The following RNF216 variants were observed in gnomAD, a reference collection of about 807,000 sequenced individuals.
RNF216 encodes E3 ubiquitin-protein ligase RNF216.
A neutral mutation model predicts 110.8 loss-of-function variants in RNF216; 72 were observed. The ratio of observed to expected loss-of-function variants is 0.65; its 90% confidence interval spans 0.54 to 0.79. RNF216 has a LOEUF of 0.79. Ranked by LOEUF, RNF216 falls within the 30% of genes least tolerant of loss-of-function variation. RNF216 has a pLI of 0.00. For synonymous variants in RNF216, 495 were observed against 407.5 expected (o/e 1.21, Z -2.59); for missense variants, 1,342 against 1,141.2 (o/e 1.18, Z -2.54).
chr7:5,649,673 A>C (rs981036449), intron 14 of RNF216: 1 of 151,936 alleles, frequency 6.6e-6, no homozygotes, highest in Non-Finnish European at 1.5e-5. Flanking sequence ...GACTGGCACC[A>C]CCATCAAAGA....
intron 3 of RNF216, 98 bp downstream of exon 3, chr7:5,752,748 C>T (rs1210811706): frequency 3.3e-6 from 4 of 1,222,704 alleles, no homozygotes; most frequent in Non-Finnish European, 4.6e-6. Context: ...AGAACGAGTA[C>T]AAGAGGTGCT....
At chr7:5,644,042 GA>G (rs1406274587) in intron 14 of RNF216, among the ~76,000 whole-genome samples, 1 of 152,102 alleles carries the variant, frequency 6.6e-6, no homozygotes, top group Non-Finnish European at 1.5e-5. Context: ...TTTATGGTTG[GA>G]TAATATTCCA....
intron 2 of RNF216, among the ~76,000 whole-genome samples, chr7:5,757,444 C>A (rs1795702567): frequency 6.6e-6 from 1 of 151,728 alleles, no homozygotes; most frequent in Admixed American, 6.6e-5. Flanking sequence ...GCATGATGTA[C>A]CTTTTTTCCT....
At chr7:5,704,741 C>A (rs1275441039) in intron 13 of RNF216, among the ~76,000 whole-genome samples, 1 of 152,224 alleles carries the variant, frequency 6.6e-6, no homozygotes, top group African/African-American at 2.4e-5. Flanking sequence ...AAGGTGGGGA[C>A]TTCTCTCATT....
intron 13 of RNF216, among the ~76,000 whole-genome samples, chr7:5,682,825 T>C (rs1562387008): frequency 6.6e-6 from 1 of 152,210 alleles, no homozygotes; most frequent in Non-Finnish European, 1.5e-5. Flanking sequence ...TCTCTTGGAA[T>C]CAAGAGTCCT....
At position 5,765,351 on chromosome 7, in the gene RNF216, C is replaced by A. The variant is rs188473994; in HGVS notation, c.-69-4213G>T. Reference sequence around the variant, plus strand: ...AGCAGGTGGGAATCTGTAATCCCAGCTACTTGGGAGGCTGAGGTAAGAGAA... The same window carrying A: ...AGCAGGTGGGAATCTGTAATCCCAGATACTTGGGAGGCTGAGGTAAGAGAA... On this transcript the variant is annotated intron_variant, in intron 1 of 16. Coordinates refer to ENST00000389902, the MANE Select transcript of RNF216 (RefSeq NM_207111.4). 4.2e-3 allele frequency among the ~76,000 whole-genome samples: 642 copies of A among 151,904 alleles called. 7 individuals are homozygous for A. Among genetic ancestry groups the A allele is most frequent in the African/African-American group, 0.014 (598 of 41,462 alleles).
intron 1 of RNF216, chr7:5,766,817 A>T: frequency 6.6e-6 from 1 of 152,234 alleles, no homozygotes; most frequent in East Asian, 1.9e-4. Flanking sequence ...ACAACTTTTT[A>T]AAAATGTTTA....
chr7:5,775,770 G>A (rs1268424644), intron 1 of RNF216, among the ~76,000 whole-genome samples: 1 of 152,032 alleles, frequency 6.6e-6, no homozygotes, highest in Non-Finnish European at 1.5e-5. Flanking sequence ...TCGGGAGGCT[G>A]AGGCAGGAGA....
intron 13 of RNF216, among the ~76,000 whole-genome samples, chr7:5,671,470 C>G (rs998316285): frequency 6.6e-6 from 1 of 152,084 alleles, no homozygotes; most frequent in Non-Finnish European, 1.5e-5. Context: ...TTAAATGAGG[C>G]TGATGGGGTG....
intron 9 of RNF216, among the ~76,000 whole-genome samples, chr7:5,718,044 T>C (rs758330939): frequency 4.6e-5 from 7 of 151,942 alleles, no homozygotes; most frequent in Non-Finnish European, 7.4e-5. Flanking sequence ...TTCCATAAAA[T>C]AAGGAAAGGT....
intron 5 of RNF216, among the ~76,000 whole-genome samples, chr7:5,737,465 G>A (rs1311361498): frequency 6.6e-6 from 1 of 151,742 alleles, no homozygotes; most frequent in Non-Finnish European, 1.5e-5. Flanking sequence ...CTCCACTATT[G>A]TCCTGTGACC....
chr7:5,777,733 T>C (rs1796861850), intron 1 of RNF216: 4 of 152,248 alleles, frequency 2.6e-5, no homozygotes, highest in Admixed American at 2.0e-4. Flanking sequence ...TCCATCATTA[T>C]GGATATAAAT....
intron 15 of RNF216, among the ~76,000 whole-genome samples, chr7:5,631,289 G>A (rs905297557): frequency 6.6e-6 from 1 of 152,180 alleles, no homozygotes. Context: ...GTCGGCCTCT[G>A]GTCCCTGGCA....
intron 14 of RNF216, among the ~76,000 whole-genome samples, chr7:5,647,056 T>C (rs2128572251): frequency 6.6e-6 from 1 of 151,802 alleles, no homozygotes; most frequent in East Asian, 1.9e-4. Context: ...GGTACATGCC[T>C]CCAAATGCTT....
intron 2 of RNF216, among the ~76,000 whole-genome samples, chr7:5,756,320 T>C (rs1009417958): frequency 6.6e-6 from 1 of 152,244 alleles, no homozygotes; most frequent in Non-Finnish European, 1.5e-5. Context: ...CAGGCATTTC[T>C]TCCTAGCAGT....
chr7:5,625,216 T>C (rs905693677), intron 15 of RNF216, among the ~76,000 whole-genome samples: 4 of 152,110 alleles, frequency 2.6e-5, no homozygotes, highest in Non-Finnish European at 5.9e-5. Flanking sequence ...TAGCTGACTA[T>C]AGGAGGGCTC....
chr7:5,760,532 AAAC>A, intron 2 of RNF216: 4 of 328,680 alleles, frequency 1.2e-5, no homozygotes, highest in South Asian at 2.3e-5. Flanking sequence ...GAAAAAAAAA[AAAC>A]AAAACAAAAC....
Position 5,696,478 on chromosome 7 carries a change from A to G in RNF216, c.2061+15283T>C, listed in dbSNP as rs990342822. Among the ~76,000 whole-genome samples the G allele has an allele frequency of 1.3e-5, 2 of 152,152 alleles. No individual in the cohort carries two copies. The highest frequency in any genetic ancestry group is 4.8e-5 in the African/African-American group (2 of 41,422). On this transcript the variant is annotated intron_variant, in intron 13 of 16. Transcript: ENST00000389902. The surrounding 1 kb of genome is among the most constrained non-coding windows in gnomAD (Gnocchi z 5.4). The stretch of plus-strand genomic sequence containing the variant: ...TTCACTGGCCGGTGGGAATGCAGCA[A>G]AGCAGCAACTGCCCAATGATCTACT...
chr7:5,727,510 T>A (rs1334290811), intron 7 of RNF216, among the ~76,000 whole-genome samples: 1 of 152,192 alleles, frequency 6.6e-6, no homozygotes, highest in African/African-American at 2.4e-5. Context: ...GAGGATAGCC[T>A]GAGGCCAGGA....
Sources: gnomAD v4.1 joint callset for allele counts (sites outside exome capture counted in the v4.1 genomes callset) on GRCh38, gnomAD v4.1.1 for gene constraint, Gnocchi (gnomAD v3.1) non-coding constraint, MANE v1.5 for transcripts, NCBI Gene and HGNC (gene_info 2026-07-23, HGNC 2026-07-21) for gene names.